Variants in FGF12 observed in about 807,000 individuals in gnomAD.
FGF12 encodes fibroblast growth factor 12B.
Under a neutral mutation model 23.6 loss-of-function variants are expected in FGF12, and 14 were observed. The ratio of observed to expected loss-of-function variants is 0.59; its 90% CI spans 0.39 to 0.93. The LOEUF is 0.93. Ranked by LOEUF, FGF12 falls within the 40% of genes least tolerant of loss-of-function variation. FGF12 has a pLI of 0.00. For synonymous variants in FGF12, 62 were observed against 77.3 expected, an observed-to-expected ratio of 0.80 and a Z score of 1.04; for missense variants, 175 against 217.8, an observed-to-expected ratio of 0.80 and a Z score of 1.24.
chr3:192,352,135 A>G (rs192536145), intron 3 of FGF12, among the ~76,000 whole-genome samples: 2 of 152,266 alleles, frequency 1.3e-5, no homozygotes, highest in East Asian at 3.9e-4. Flanking sequence ...ATCAAAATGT[A>G]ACAGATTTCA....
chr3:192,450,901 T>C (rs1213568540), intron 2 of FGF12, among the ~76,000 whole-genome samples: 1 of 152,228 alleles, frequency 6.6e-6, no homozygotes, highest in African/African-American at 2.4e-5. Flanking sequence ...GCTTCCTGTA[T>C]ATGTTCAACA....
rs192409220 is a variant in FGF12 at position 192,626,250 on chromosome 3, A to G, written c.13+100931T>C. Among the ~76,000 whole-genome samples the G allele has an allele frequency of 1.8e-3, 271 of 152,348 alleles. 2 individuals carry two copies. The highest frequency in any genetic ancestry group is 6.3e-3 in the African/African-American group (260 of 41,584). On this transcript the variant is annotated intron_variant, in intron 2 of 5. Transcript: ENST00000445105. ...ATAATTAGCATATGTTATTTATTTC[A>G]TGGTCTCATCAGTGATTAATTTTCC...
intron 2 of FGF12, among the ~76,000 whole-genome samples, chr3:192,562,476 T>A (rs1475490482): frequency 6.6e-6 from 1 of 152,178 alleles, no homozygotes; most frequent in Admixed American, 6.5e-5. Context: ...TGAAGGGATT[T>A]CTTCAGTAAA....
At chr3:192,173,529 T>C (rs9822990) in intron 4 of FGF12, among the ~76,000 whole-genome samples, 9,425 of 152,148 alleles carry the variant, frequency 0.062, 1,089 homozygotes, top group African/African-American at 0.21. Context: ...TCTGTTTTTT[T>C]CCTAGGACTA....
At chr3:192,528,147 T>C (rs1724996757) in intron 2 of FGF12, among the ~76,000 whole-genome samples, 1 of 152,058 alleles carries the variant, frequency 6.6e-6, no homozygotes, top group African/African-American at 2.4e-5. Context: ...AACTCAAAAG[T>C]CCACAGTCCA....
chr3:192,322,855 G>T lies in FGF12; in HGVS notation c.228+12506C>A, dbSNP rs139768590. Among the ~76,000 whole-genome samples, 115 of 152,164 alleles carry T rather than the reference G, an allele frequency of 7.6e-4. 3 individuals are homozygous for T. In the East Asian group the frequency reaches 0.017, roughly 23 times the overall value. On this transcript the variant is annotated intron_variant, in intron 4 of 5. Coordinates refer to ENST00000445105, the MANE Select transcript of FGF12 (RefSeq NM_004113.6). Reference sequence around the variant, plus strand: ...CATGGACAAAAATCAAATCAAAATAGATTAAAGACTTAAATCTAAGACCTC... The same window carrying T: ...CATGGACAAAAATCAAATCAAAATATATTAAAGACTTAAATCTAAGACCTC...
At chr3:192,214,153 T>G (rs949871454) in intron 4 of FGF12, among the ~76,000 whole-genome samples, 2 of 152,224 alleles carry the variant, frequency 1.3e-5, no homozygotes, top group East Asian at 3.8e-4. Context: ...AGAAACTATA[T>G]GATTGTGTGT....
chr3:192,201,514 A>T (rs1717365603), intron 4 of FGF12, among the ~76,000 whole-genome samples: 1 of 152,208 alleles, frequency 6.6e-6, no homozygotes, highest in Non-Finnish European at 1.5e-5. Flanking sequence ...TCCATGCAGT[A>T]AGCCCAGAGA....
At chr3:192,478,935 T>C (rs1210187981) in intron 2 of FGF12, among the ~76,000 whole-genome samples, 1 of 152,186 alleles carries the variant, frequency 6.6e-6, no homozygotes, top group Admixed American at 6.6e-5. Flanking sequence ...GGTTAGAACC[T>C]GCTCAGTCCA....
chr3:192,682,476 A>AC (rs1361358168), intron 2 of FGF12, among the ~76,000 whole-genome samples: 1 of 152,130 alleles, frequency 6.6e-6, no homozygotes. Flanking sequence ...CAGTTTCCTC[A>AC]CCTGTCAAGT....
chr3:192,379,156 C>T (rs866643687), intron 2 of FGF12, among the ~76,000 whole-genome samples: 2 of 152,206 alleles, frequency 1.3e-5, no homozygotes, highest in South Asian at 2.1e-4. Context: ...AATCCACCAT[C>T]GATGGGTATT....
intron 2 of FGF12, among the ~76,000 whole-genome samples, chr3:192,574,088 T>G (rs1328395813): frequency 6.6e-6 from 1 of 152,238 alleles, no homozygotes; most frequent in East Asian, 1.9e-4. Flanking sequence ...TAAAGCTAGA[T>G]GCTGCTTTGG....
At chr3:192,688,061 G>A (rs563142058) in intron 2 of FGF12, among the ~76,000 whole-genome samples, 7 of 151,832 alleles carry the variant, frequency 4.6e-5, no homozygotes, top group Admixed American at 1.3e-4. Flanking sequence ...TCAGCCAGCC[G>A]CCACAGCTGA....
At chr3:192,501,457 T>C (rs1342240110) in intron 2 of FGF12, among the ~76,000 whole-genome samples, 2 of 152,232 alleles carry the variant, frequency 1.3e-5, no homozygotes, top group Non-Finnish European at 2.9e-5. Flanking sequence ...CCAATTCCAA[T>C]GCCATGAACT....
rs546206444 is a variant in FGF12, at chr3:192,333,942, G to A, written c.228+1419C>T. Among the ~76,000 whole-genome samples the A allele has an allele frequency of 3.3e-5, 5 of 152,152 alleles. No homozygotes were observed. The South Asian group carries it at 8.3e-4, about 25-fold the overall frequency. On this transcript the variant is annotated intron_variant, in intron 4 of 5. Coordinates refer to ENST00000445105, the MANE Select transcript of FGF12 (RefSeq NM_004113.6). ...TACAGCGACAGCAAATGATTTTGGG[G>A]GGGAGTTCAATGAACTTAAAGAACA...
chr3:192,265,150 CTT>C (rs1713001392), intron 4 of FGF12: 1 of 152,142 alleles, frequency 6.6e-6, no homozygotes, highest in Non-Finnish European at 1.5e-5. Context: ...TATGACATAA[CTT>C]TGCTCACTTT....
chr3:192,319,143 A>G (rs2108680197), intron 4 of FGF12, among the ~76,000 whole-genome samples: 1 of 152,334 alleles, frequency 6.6e-6, no homozygotes, highest in East Asian at 1.9e-4. Context: ...TCAATCTGAA[A>G]GAAAATAATG....
At chr3:192,627,061 C>T (rs1269029646) in intron 2 of FGF12, among the ~76,000 whole-genome samples, 1 of 152,036 alleles carries the variant, frequency 6.6e-6, no homozygotes, top group Non-Finnish European at 1.5e-5. Flanking sequence ...CTAGGATATG[C>T]TTGGAAGAGC....
chr3:192,591,997 C>T (rs539254075), intron 2 of FGF12, among the ~76,000 whole-genome samples: 1 of 151,720 alleles, frequency 6.6e-6, no homozygotes, highest in East Asian at 1.9e-4. Context: ...TAAGTGACTA[C>T]TCTTGCTACT....
Sources: allele counts gnomAD v4.1 joint callset (sites outside exome capture counted in the v4.1 genomes callset), GRCh38; gene constraint gnomAD v4.1.1; transcripts MANE v1.5; gene names NCBI Gene and HGNC (gene_info 2026-07-23, HGNC 2026-07-21).